Variants in NAPG observed in about 807,000 individuals in gnomAD.
NAPG encodes the protein gamma-soluble NSF attachment protein.
A neutral mutation model predicts 48.4 loss-of-function variants in NAPG; 25 were observed. That is an observed-to-expected ratio of 0.52 (90% confidence interval 0.38 to 0.72). The LOEUF is 0.72. Among genes scored for constraint, NAPG ranks in the 30% least tolerant of loss-of-function variants. NAPG has a pLI of 0.00. For synonymous variants in NAPG, 139 were observed against 127.2 expected (o/e 1.09, Z -0.62); for missense variants, 359 against 372.5 (o/e 0.96, Z 0.30).
intron 4 of NAPG, 107 bp downstream of exon 4, chr18:10,533,660 AAAT>A (rs1201262237): frequency 8.7e-6 from 8 of 919,944 alleles, no homozygotes; most frequent in Non-Finnish European, 9.7e-6. Context: ...GTATTGATTT[AAAT>A]AATAATCATT....
chr18:10,530,426 T>A (rs371517037), intron 1 of NAPG, among the ~76,000 whole-genome samples: 1 of 152,090 alleles, frequency 6.6e-6, no homozygotes, highest in African/African-American at 2.4e-5. Context: ...AAAGCTTTAA[T>A]GCACCTTTGA....
chr18:10,546,256 C>A lies in NAPG; in HGVS notation c.507-70C>A. The A allele has an allele frequency of 1.0e-6, 1 of 964,816 alleles. No homozygotes were observed. Among genetic ancestry groups the A allele is most frequent in the Non-Finnish European group, 1.5e-6 (1 of 652,350 alleles). The allele number at this position is 964,816 out of a possible 1,614,324, so 59.8% of individuals were successfully genotyped here. On this transcript the variant is annotated intron_variant, in intron 8 of 11. Transcript: ENST00000322897. The surrounding 1 kb of genome is among the most constrained non-coding windows in gnomAD (Gnocchi z 4.0). The stretch of plus-strand genomic sequence containing the variant: ...TCTCTACAATCTATGATGTCAAGTA[C>A]ATTTCACAGGGGACCTCTGCTATAG...
rs892096239 is a variant in NAPG at position 10,539,964 on chromosome 18, G to A, written c.369-24G>A. 6.2e-7 allele frequency: 1 copy of A among 1,607,224 alleles called. No individual in the cohort carries two copies. The highest frequency in any genetic ancestry group is 8.5e-7 in the Non-Finnish European group (1 of 1,176,120). On this transcript the variant is annotated intron_variant, in intron 6 of 11. Coordinates refer to ENST00000322897, the MANE Select transcript of NAPG (RefSeq NM_003826.3). The surrounding 1 kb of genome is among the most constrained non-coding windows in gnomAD (Gnocchi z 4.7). ...AACAAGTTTTCCATTTCTCATATAA[G>A]ACATGTTTTCTTGTCTGATTCAGGC...
At chr18:10,526,325 C>CG in intron 1 of NAPG, 167 bp downstream of exon 1, 1 of 648,612 alleles carries the variant, frequency 1.5e-6, no homozygotes, top group Non-Finnish European at 2.6e-6. Flanking sequence ...GTCACACTCC[C>CG]GGGGTCGGGG....
chr18:10,532,968 G>C, intron 3 of NAPG, 173 bp downstream of exon 3: 1 of 592,416 alleles, frequency 1.7e-6, no homozygotes, highest in Non-Finnish European at 3.0e-6. Flanking sequence ...AATGAAGTTT[G>C]ATTATAAGGT....
rs1007786256 is a variant in NAPG at position 10,546,491 on chromosome 18, G to A, written c.585+87G>A. On this transcript the variant is annotated intron_variant, in intron 9 of 11. Coordinates refer to ENST00000322897, the MANE Select transcript of NAPG (RefSeq NM_003826.3). The surrounding 1 kb of genome is among the most constrained non-coding windows in gnomAD (Gnocchi z 4.0). ...TAAGTACTTAAGAAAGGATTCTATG[G>A]GTATTTCTATGTTTTTGTAAAATAA... 2 of 724,508 alleles carry A rather than the reference G, an allele frequency of 2.8e-6. No homozygotes were observed. Among genetic ancestry groups the A allele is most frequent in the Admixed American group, 3.2e-5 (1 of 31,002 alleles). The allele number at this position is 724,508 out of a possible 1,614,324, so 44.9% of individuals were successfully genotyped here. A position where few individuals can be genotyped will look rare whatever the true frequency, so the allele number is the denominator to read the frequency against.
chr18:10,536,452 T>A (rs1214291527), intron 5 of NAPG, among the ~76,000 whole-genome samples: 2 of 152,224 alleles, frequency 1.3e-5, no homozygotes, highest in Non-Finnish European at 2.9e-5. Context: ...ACTTGTTGGA[T>A]CAACCTTTGG....
intron 1 of NAPG, among the ~76,000 whole-genome samples, chr18:10,528,465 TA>T (rs1377488612): frequency 6.6e-6 from 1 of 152,102 alleles, no homozygotes. Context: ...GAAAAGGTAA[TA>T]TGCTCAGGAT....
chr18:10,527,008 T>C (rs2031828925), intron 1 of NAPG, among the ~76,000 whole-genome samples: 1 of 151,558 alleles, frequency 6.6e-6, no homozygotes, highest in Admixed American at 6.6e-5. Flanking sequence ...GCTAACACGG[T>C]GAAAACCGTC....
At position 10,532,743 on chromosome 18, in the gene NAPG, C is replaced by T; in HGVS notation, c.157C>T (p.Gln53Ter). Residue 53 changes from glutamine (Q) to a stop codon, truncating the protein, a stop_gained, in exon 3 of 12, where the codon CAA becomes TAA. Coordinates refer to ENST00000322897, the MANE Select transcript of NAPG (RefSeq NM_003826.3). LOFTEE classifies it high-confidence loss of function. ...VAFKNAKQFEQAKDACLREAV... is the reference protein window; with the variant it reads ...VAFKNAKQFE Reference sequence around the variant, plus strand: ...TTTTAAAAATGCCAAACAGTTTGAGCAAGCAAAAGATGCCTGCCTGAGGGA... The same window carrying T: ...TTTTAAAAATGCCAAACAGTTTGAGTAAGCAAAAGATGCCTGCCTGAGGGA... 6.3e-7 allele frequency: 1 copy of T among 1,592,180 alleles called. No individual in the cohort carries two copies. Among genetic ancestry groups the T allele is most frequent in the South Asian group, 1.1e-5 (1 of 87,278 alleles).
intron 1 of NAPG, among the ~76,000 whole-genome samples, chr18:10,529,694 A>G (rs750056986): frequency 1.3e-5 from 2 of 152,222 alleles, no homozygotes; most frequent in Non-Finnish European, 2.9e-5. Context: ...CGGAAGTTGC[A>G]GTGAGCCGAG....
In NAPG at chr18:10,550,303, A is replaced by C. The variant is rs1381379633; in HGVS notation, c.*83A>C. The C allele has an allele frequency of 7.1e-7, 1 of 1,404,584 alleles. No individual in the cohort carries two copies. The highest frequency in any genetic ancestry group is 2.8e-5 in the East Asian group (1 of 35,410). The allele number at this position is 1,404,584 out of a possible 1,614,324, so 87.0% of individuals were successfully genotyped here. On this transcript the variant is annotated 3_prime_UTR_variant, in exon 12 of 12. Transcript: ENST00000322897. ...AAGGACTTGGGAATAGATTAGGGAT[A>C]TCCGTACTTCATTACAGTCATGATT... is the stretch of plus-strand genomic sequence containing the variant.
intron 1 of NAPG, among the ~76,000 whole-genome samples, chr18:10,527,772 T>C (rs2031849248): frequency 6.6e-6 from 1 of 152,308 alleles, no homozygotes; most frequent in Non-Finnish European, 1.5e-5. Flanking sequence ...GTAGTCACAG[T>C]GCCAGGGGAC....
At position 10,534,621 on chromosome 18, in the gene NAPG, T is replaced by G; in HGVS notation, c.258+125T>G. 1 of 819,212 alleles carries G rather than the reference T, an allele frequency of 1.2e-6. No individual in the cohort carries two copies. The highest frequency in any genetic ancestry group is 2.1e-6 in the Non-Finnish European group (1 of 486,354). The allele number at this position is 819,212 out of a possible 1,614,324, so 50.7% of individuals were successfully genotyped here. ...AAGGCAAGAGGTGCTAAGTTAAGAT[T>G]TTCTGTCCACGGTAACGTTAATTGG... On this transcript the variant is annotated intron_variant, in intron 5 of 11. Transcript: ENST00000322897. The surrounding 1 kb of genome is among the most constrained non-coding windows in gnomAD (Gnocchi z 5.0).
rs967556775 is a variant in NAPG, at chr18:10,542,530, A to G, written c.506+2131A>G. Among the ~76,000 whole-genome samples the G allele has an allele frequency of 2.0e-5, 3 of 152,180 alleles. No individual in the cohort carries two copies. Among genetic ancestry groups the G allele is most frequent in the African/African-American group, 7.2e-5 (3 of 41,436 alleles). The stretch of plus-strand genomic sequence containing the variant: ...GAGATGATTTATGTGATAATTGAAA[A>G]TATTAACTATGTGCTTAGATTATTA... On this transcript the variant is annotated intron_variant, in intron 8 of 11. Transcript: ENST00000322897. The surrounding 1 kb of genome is among the most constrained non-coding windows in gnomAD (Gnocchi z 4.5).
Position 10,550,214 on chromosome 18 carries a change from A to G in NAPG, c.933A>G (p.Leu311=), listed in dbSNP as rs199809716. ...AGGAAGATGAATACTCAGGAGGACT[A>G]TGCTAGTATTTTGCTTGCTGAAAAG... is the stretch of plus-strand genomic sequence containing the variant. ...DEEEDEYSGG[L]C is the part of the protein sequence containing the mutation. The change falls in exon 12 of 12, where the codon CTA becomes CTG. Residue 311 remains leucine (L), a synonymous_variant. Transcript: ENST00000322897. 77 of 1,574,394 alleles carry G rather than the reference A, an allele frequency of 4.9e-5. No homozygotes were observed. In the African/African-American group the frequency reaches 9.8e-4, roughly 20 times the overall value.
At chr18:10,528,270 C>T (rs1330886750) in intron 1 of NAPG, among the ~76,000 whole-genome samples, 1 of 152,150 alleles carries the variant, frequency 6.6e-6, no homozygotes, top group Non-Finnish European at 1.5e-5. Context: ...AGTAAACGAA[C>T]ATTTACAAAG....
At position 10,539,890 on chromosome 18, in the gene NAPG, A is replaced by T. The variant is rs1388256774; in HGVS notation, c.368+19A>T. 6.2e-7 allele frequency: 1 copy of T among 1,612,902 alleles called. No individual in the cohort carries two copies. Among genetic ancestry groups the T allele is most frequent in the African/African-American group, 1.3e-5 (1 of 75,010 alleles). Reference sequence around the variant, plus strand: ...CTGGAAAGTGAGTGTGAGATGGACAAGTCTCTGCATAGAAGTCTTGTCTTT... The same window carrying T: ...CTGGAAAGTGAGTGTGAGATGGACATGTCTCTGCATAGAAGTCTTGTCTTT... On this transcript the variant is annotated intron_variant, in intron 6 of 11. Coordinates refer to ENST00000322897, the MANE Select transcript of NAPG (RefSeq NM_003826.3). This position sits in a 1 kb window ranked among gnomAD's most constrained non-coding sequence, Gnocchi z 4.7.
At position 10,530,393 on chromosome 18, in the gene NAPG, C is replaced by T. The variant is rs79284744; in HGVS notation, c.57-377C>T. Among the ~76,000 whole-genome samples the T allele has an allele frequency of 7.5e-4, 114 of 152,038 alleles. 3 individuals carry two copies. In the East Asian group the frequency reaches 0.017, roughly 23 times the overall value. On this transcript the variant is annotated intron_variant, in intron 1 of 11. Transcript: ENST00000322897. ...TCAGTTTCATGAATCCCTCTGCTGT[C>T]GATACTGTGCTTCAGAGGTTCTAAA...
Sources: allele counts gnomAD v4.1 joint callset (sites outside exome capture counted in the v4.1 genomes callset), GRCh38; gene constraint gnomAD v4.1.1; non-coding constraint Gnocchi (gnomAD v3.1); transcripts MANE v1.5; gene names NCBI Gene and HGNC (gene_info 2026-07-23, HGNC 2026-07-21).